ROBO2: variants seen among roughly 807,000 people sequenced by gnomAD.
ROBO2 encodes roundabout guidance receptor 2, also known as roundabout homolog 2.
In ROBO2, 53 loss-of-function variants were observed where a neutral mutation model predicts 160.8. That is an observed-to-expected ratio of 0.33 (90% CI 0.26 to 0.41). The LOEUF is 0.41. Among genes scored for constraint, ROBO2 ranks in the 10% least tolerant of loss-of-function variants. The probability of loss-of-function intolerance (pLI) is 1.00; values close to 1 mark genes in which losing one functional copy is unlikely to be tolerated. For synonymous variants in ROBO2, 664 were observed against 611.7 expected, an observed-to-expected ratio of 1.09 and a Z score of -1.26; for missense variants, 1,577 against 1,722.4, an observed-to-expected ratio of 0.92 and a Z score of 1.49.
intron 2 of ROBO2, among the ~76,000 whole-genome samples, chr3:76,144,650 T>C (rs2071816965): frequency 6.6e-6 from 1 of 152,088 alleles, no homozygotes; most frequent in Non-Finnish European, 1.5e-5. Flanking sequence ...GGTGGTCTTG[T>C]TTATTGTCAT....
In ROBO2 at chr3:76,144,165, G is replaced by A. The variant is rs567311337; in HGVS notation, c.109+206563G>A. Among the ~76,000 whole-genome samples, 47 of 152,054 alleles carry A rather than the reference G, an allele frequency of 3.1e-4. 2 individuals are homozygous for A. In the South Asian group the frequency reaches 9.1e-3, roughly 30 times the overall value. ...CATAAAATTAGTCATCACAAGGGGC[G>A]AGGAAGTCAAAGCAATTATTAACAC... On this transcript the variant is annotated intron_variant, in intron 2 of 26. Coordinates refer to the ROBO2 transcript ENST00000487694.
rs1491244055 is a variant in ROBO2 at position 76,674,629 on chromosome 3, C to CACACACACACACAG, written c.110-423384_110-423383insCACACACACACAGA. The stretch of plus-strand genomic sequence containing the variant: ...ACACACACACACACACACACACACA[C>CACACACACACACAG]AGAAACCTGTAGAAAGTGCAAATTA... On this transcript the variant is annotated intron_variant, in intron 2 of 26. Coordinates refer to the ROBO2 transcript ENST00000487694. Among the ~76,000 whole-genome samples, 3 of 151,026 alleles carry CACACACACACACAG rather than the reference C, an allele frequency of 2.0e-5. No homozygotes were observed. The South Asian group carries it at 6.3e-4, about 32-fold the overall frequency.
At chr3:77,502,077 C>T (rs2087695335) in intron 5 of ROBO2, among the ~76,000 whole-genome samples, 3 of 151,918 alleles carry the variant, frequency 2.0e-5, no homozygotes, top group Admixed American at 2.0e-4. Context: ...ATTATTATAC[C>T]TATAATATAA....
intron 2 of ROBO2, among the ~76,000 whole-genome samples, chr3:76,547,242 A>C (rs1342896339): frequency 6.6e-6 from 1 of 152,004 alleles, no homozygotes; most frequent in Non-Finnish European, 1.5e-5. Flanking sequence ...TTCCTCTTTC[A>C]CATTTTGCAA....
In ROBO2 at chr3:76,275,672, T is replaced by C. The variant is rs190633265; in HGVS notation, c.109+338070T>C. On this transcript the variant is annotated intron_variant, in intron 2 of 26. Coordinates refer to the ROBO2 transcript ENST00000487694. ...TTAGTTCATAATTAAGTACATACAA[T>C]TGAATGTTAATTACATCTTGTTCTT... Among the ~76,000 whole-genome samples the C allele has an allele frequency of 2.0e-4, 30 of 152,310 alleles. No homozygotes were observed. The East Asian group carries it at 5.0e-3, about 25-fold the overall frequency.
At chr3:77,398,676 G>C (rs1229586547) in intron 2 of ROBO2, among the ~76,000 whole-genome samples, 1 of 151,856 alleles carries the variant, frequency 6.6e-6, no homozygotes, top group Non-Finnish European at 1.5e-5. Flanking sequence ...GGATTTCCTG[G>C]GCTCAAGTGA....
chr3:76,012,771 A>T (rs946512346), intron 2 of ROBO2, among the ~76,000 whole-genome samples: 3 of 152,184 alleles, frequency 2.0e-5, no homozygotes, highest in Non-Finnish European at 2.9e-5. Context: ...AAATGAGGTA[A>T]TATGTATAAA....
In ROBO2 at chr3:76,186,306, T is replaced by C. The variant is rs548798542; in HGVS notation, c.109+248704T>C. On this transcript the variant is annotated intron_variant, in intron 2 of 26. Transcript: ENST00000487694. The stretch of plus-strand genomic sequence containing the variant: ...GAAGAAAAGGGGCAAGCAAAAGACA[T>C]TGAGAATTAAGCCGTGTCATAGTAT... 5.9e-5 allele frequency among the ~76,000 whole-genome samples: 9 copies of C among 152,128 alleles called. No homozygotes were observed. In the East Asian group the frequency reaches 1.4e-3, roughly 23 times the overall value.
intron 2 of ROBO2, among the ~76,000 whole-genome samples, chr3:76,578,233 C>T (rs945768044): frequency 2.6e-5 from 4 of 152,128 alleles, no homozygotes; most frequent in African/African-American, 9.7e-5. Flanking sequence ...GCCTGGCACA[C>T]TGGAACATTA....
intron 2 of ROBO2, among the ~76,000 whole-genome samples, chr3:76,656,625 G>A (rs571431236): frequency 1.8e-4 from 27 of 151,302 alleles, no homozygotes; most frequent in African/African-American, 6.6e-4. Flanking sequence ...CCTTTGTTTT[G>A]TTTTGTTTTG....
intron 2 of ROBO2, among the ~76,000 whole-genome samples, chr3:77,428,207 T>G (rs1429150140): frequency 6.6e-6 from 1 of 152,156 alleles, no homozygotes; most frequent in African/African-American, 2.4e-5. Flanking sequence ...CTTTTCCCCT[T>G]AAAACTATAG....
chr3:77,553,480 T>C (rs1399876304), intron 8 of ROBO2, among the ~76,000 whole-genome samples: 4 of 151,926 alleles, frequency 2.6e-5, no homozygotes. Flanking sequence ...TACAAAGGCT[T>C]AAGTTTAGTG....
chr3:77,260,972 G>C (rs987469154), intron 2 of ROBO2, among the ~76,000 whole-genome samples: 2 of 152,080 alleles, frequency 1.3e-5, no homozygotes, highest in Non-Finnish European at 2.9e-5. Flanking sequence ...CCTCCTCCTG[G>C]TAGCTGGGCT....
chr3:76,938,456 A>T lies in ROBO2; in HGVS notation c.110-159558A>T, dbSNP rs543925805. 4.6e-4 allele frequency among the ~76,000 whole-genome samples: 69 copies of T among 149,804 alleles called. No individual in the cohort carries two copies. The South Asian group carries it at 5.0e-3, about 11-fold the overall frequency. On this transcript the variant is annotated intron_variant, in intron 2 of 26. Transcript: ENST00000487694. The stretch of plus-strand genomic sequence containing the variant: ...TCTTTATCTGATTCCTCTACTTGTT[A>T]TTTTAGGGTAGAGCCCTACAAAACC...
chr3:76,967,065 T>G lies in ROBO2; in HGVS notation c.110-130949T>G, dbSNP rs1442287913. 3.3e-5 allele frequency among the ~76,000 whole-genome samples: 5 copies of G among 152,022 alleles called. No individual in the cohort carries two copies. The South Asian group carries it at 1.0e-3, about 32-fold the overall frequency. On this transcript the variant is annotated intron_variant, in intron 2 of 26. Transcript: ENST00000487694. ...GGCATATTGTATACAATCCCTCAAA[T>G]CTCACATCAAACTTGTAAGGTGCTA... is the stretch of plus-strand genomic sequence containing the variant.
At chr3:76,428,823 G>A (rs562268206) in intron 2 of ROBO2, among the ~76,000 whole-genome samples, 1 of 152,212 alleles carries the variant, frequency 6.6e-6, no homozygotes, top group Admixed American at 6.5e-5. Context: ...TACTGAAGCT[G>A]GTTCCTCGAC....
chr3:77,154,965 A>G (rs1291748464), intron 2 of ROBO2, among the ~76,000 whole-genome samples: 1 of 151,958 alleles, frequency 6.6e-6, no homozygotes, highest in Non-Finnish European at 1.5e-5. Context: ...AAACCTAAGC[A>G]TTACACAGTG....
At chr3:76,908,194 G>T (rs923313574) in intron 2 of ROBO2, among the ~76,000 whole-genome samples, 40 of 149,242 alleles carry the variant, frequency 2.7e-4, no homozygotes, top group African/African-American at 6.9e-4. Flanking sequence ...AAGAAAAATT[G>T]TCAACCTCCA....
chr3:76,871,549 G>A (rs1276567580), intron 2 of ROBO2, among the ~76,000 whole-genome samples: 4 of 129,890 alleles, frequency 3.1e-5, no homozygotes, highest in Admixed American at 8.0e-5. Context: ...GCGAGACTCC[G>A]TCTCAAAAAA....
Sources: gnomAD v4.1 joint callset for allele counts (sites outside exome capture counted in the v4.1 genomes callset) on GRCh38, gnomAD v4.1.1 for gene constraint, MANE v1.5 for transcripts, NCBI Gene and HGNC (gene_info 2026-07-23, HGNC 2026-07-21) for gene names.